Variants in FANCA observed in about 807,000 individuals in gnomAD.
FANCA encodes FA complementation group A.
A neutral mutation model predicts 194.3 loss-of-function variants in FANCA; 236 were observed. The observed-to-expected ratio is 1.21, with a 90% CI of 1.09 to 1.35. FANCA has a LOEUF of 1.35. Ranked by LOEUF, FANCA falls within the 40% of genes most tolerant of loss-of-function variation. FANCA has a pLI of 0.00. For synonymous variants in FANCA, 1,014 were observed against 715.8 expected (o/e 1.42, Z -6.65); for missense variants, 2,628 against 1,813.9 (o/e 1.45, Z -8.15).
At chr16:89,782,285 G>A (rs1056835893) in intron 17 of FANCA, among the ~76,000 whole-genome samples, 1 of 151,928 alleles carries the variant, frequency 6.6e-6, no homozygotes, top group Admixed American at 6.6e-5. Context: ...GCCAAGGCGG[G>A]CGGATCACAA....
At chr16:89,791,048 TGGTG>T in intron 14 of FANCA, 1 of 128,852 alleles carries the variant, frequency 7.8e-6, no homozygotes. Flanking sequence ...TTTTTTTTTT[TGGTG>T]GAGATGAGGT....
intron 11 of FANCA, 133 bp downstream of exon 11, chr16:89,795,773 C>T: frequency 1.4e-6 from 1 of 715,486 alleles, no homozygotes; most frequent in Non-Finnish European, 2.6e-6. Flanking sequence ...TCTGAGGACC[C>T]AGTCTCTGGT....
intron 27 of FANCA, among the ~76,000 whole-genome samples, chr16:89,766,452 G>A (rs982307570): frequency 1.6e-4 from 24 of 151,578 alleles, no homozygotes; most frequent in Admixed American, 4.6e-4. Flanking sequence ...GCTCACGCCT[G>A]TAATCCCAGC....
rs747616573 is a variant in FANCA at position 89,740,864 on chromosome 16, T to C, written c.3768A>G (p.Leu1256=). 16 of 1,611,806 alleles carry C rather than the reference T, an allele frequency of 9.9e-6. No individual in the cohort carries two copies. The highest frequency in any genetic ancestry group is 6.7e-5 in the Admixed American group (4 of 59,858). ...LKKLDCEREE[L]LVFLFFFSLM... ...AGGAGAAGAAGAAAAGGAAAACCAATAGCTGTAAATAAAAACGTGCACTTA... is the reference window on the plus strand; with the variant it reads ...AGGAGAAGAAGAAAAGGAAAACCAACAGCTGTAAATAAAAACGTGCACTTA... The change falls in exon 38 of 43, where the codon CTA becomes CTG. Residue 1256 remains leucine, a splice_region_variant and synonymous_variant. Transcript: ENST00000389301.
At chr16:89,752,298 C>A (rs1156610764) in intron 30 of FANCA, 76 bp from the exon 31 acceptor site, 3 of 1,170,348 alleles carry the variant, frequency 2.6e-6, no homozygotes, top group Non-Finnish European at 3.8e-6. Flanking sequence ...CTCCTGCCTC[C>A]GGAGCTGAGT....
intron 21 of FANCA, among the ~76,000 whole-genome samples, chr16:89,774,707 G>A (rs1355382316): frequency 9.3e-6 from 1 of 107,366 alleles, no homozygotes; most frequent in Non-Finnish European, 1.7e-5. Flanking sequence ...TCCAGCCTGG[G>A]CAACAGAGCG....
Position 89,770,671 on chromosome 16 carries a change from G to C in FANCA, c.2152-37C>G, listed in dbSNP as rs201072222. 19 of 1,556,562 alleles carry C rather than the reference G, an allele frequency of 1.2e-5. No homozygotes were observed. The East Asian group carries it at 3.3e-4, about 27-fold the overall frequency. On this transcript the variant is annotated intron_variant, in intron 23 of 42. Transcript: ENST00000389301. ...CAGTTCTCATGAGCGTGGTGTCCTG[G>C]GGACGGGAGCAGCAGGAAGGAAGCC...
intron 7 of FANCA, among the ~76,000 whole-genome samples, chr16:89,803,755 G>A (rs1182893734): frequency 1.3e-5 from 2 of 151,622 alleles, no homozygotes; most frequent in Admixed American, 6.6e-5. Flanking sequence ...ACCAGTAGCT[G>A]GGAATATAGG....
At chr16:89,744,896 G>T in intron 36 of FANCA, 63 bp downstream of exon 36, 1 of 1,438,272 alleles carries the variant, frequency 7.0e-7, no homozygotes, top group South Asian at 1.2e-5. Context: ...TTTAGGAGAT[G>T]ACCTTGAGCA....
chr16:89,779,816 C>G (rs1015774552), intron 18 of FANCA, 53 bp downstream of exon 18: 1 of 1,455,110 alleles, frequency 6.9e-7, no homozygotes. Flanking sequence ...GGCATCAGAG[C>G]GCGGTCTGCA....
intron 20 of FANCA, among the ~76,000 whole-genome samples, chr16:89,776,921 T>A (rs757548003): frequency 6.6e-6 from 1 of 151,914 alleles, no homozygotes; most frequent in Non-Finnish European, 1.5e-5. Flanking sequence ...CTTAACATGA[T>A]AAAGGGTAAG....
chr16:89,790,135 C>T (rs1567634421), intron 14 of FANCA, among the ~76,000 whole-genome samples: 1 of 152,224 alleles, frequency 6.6e-6, no homozygotes, highest in Admixed American at 6.5e-5. Context: ...GGCACGGTGG[C>T]TCATGCCTGT....
intron 3 of FANCA, among the ~76,000 whole-genome samples, chr16:89,813,305 T>G (rs12709099): frequency 0.53 from 80,239 of 151,242 alleles, 23,548 homozygotes; most frequent in East Asian, 0.98. Context: ...CTACTCAAGA[T>G]GCTGGGGTGG....
chr16:89,799,124 C>A, intron 10 of FANCA, 42 bp downstream of exon 10: 1 of 1,614,174 alleles, frequency 6.2e-7, no homozygotes, highest in Non-Finnish European at 8.5e-7. Flanking sequence ...TGGCAGACAC[C>A]TCCCTGCTGC....
intron 8 of FANCA, among the ~76,000 whole-genome samples, chr16:89,802,884 G>C (rs1282602466): frequency 6.6e-6 from 1 of 152,196 alleles, no homozygotes; most frequent in Non-Finnish European, 1.5e-5. Flanking sequence ...AGATACCAGA[G>C]ATGAGAAGGG....
intron 11 of FANCA, among the ~76,000 whole-genome samples, chr16:89,793,323 G>A (rs1266461319): frequency 6.6e-6 from 1 of 152,152 alleles, no homozygotes; most frequent in African/African-American, 2.4e-5. Context: ...GGGCATAACA[G>A]AAGGCTCACA....
Position 89,769,270 on chromosome 16 carries a change from C to T in FANCA, c.2504+567G>A, listed in dbSNP as rs538732460. On this transcript the variant is annotated intron_variant, in intron 26 of 42. Transcript: ENST00000389301. ...ACTCCCACCAGAGTCTCCCAGCCCT[C>T]TGTCCTGGCTTCCGCCTCTGAGTGG... 5.1e-4 allele frequency among the ~76,000 whole-genome samples: 78 copies of T among 152,374 alleles called. No individual in the cohort carries two copies. In the South Asian group the frequency reaches 0.014, roughly 28 times the overall value.
intron 8 of FANCA, among the ~76,000 whole-genome samples, chr16:89,800,569 G>A (rs2040410519): frequency 6.6e-6 from 1 of 152,100 alleles, no homozygotes; most frequent in Admixed American, 6.6e-5. Flanking sequence ...AATTCACATG[G>A]AACCAAAATA....
intron 1 of FANCA, 39 bp downstream of exon 1, chr16:89,816,498 G>C (rs1437723061): frequency 2.1e-6 from 3 of 1,459,402 alleles, no homozygotes; most frequent in African/African-American, 1.5e-5. Context: ...GTCCCGGGCC[G>C]GACGCCGCCC....
Sources: allele counts gnomAD v4.1 joint callset (sites outside exome capture counted in the v4.1 genomes callset), GRCh38; gene constraint gnomAD v4.1.1; transcripts MANE v1.5; gene names NCBI Gene and HGNC (gene_info 2026-07-23, HGNC 2026-07-21).